Variants in APPL2 observed in about 807,000 individuals in gnomAD.
The protein encoded by APPL2 is DCC-interacting protein 13-beta.
Under a neutral mutation model 92.7 loss-of-function variants are expected in APPL2, and 84 were observed. The observed-to-expected ratio is 0.91, with a 90% CI of 0.76 to 1.09. The LOEUF (loss-of-function observed/expected upper bound fraction) is 1.09, where lower values mean the gene tolerates loss of function less well. APPL2 is among the 50% of genes least tolerant of loss of function. The probability of loss-of-function intolerance (pLI) is 0.00; values close to 1 mark genes in which losing one functional copy is unlikely to be tolerated. For missense variants in APPL2, 736 were observed against 824.5 expected (o/e 0.89, Z 1.31); for synonymous variants, 291 against 291.0 (o/e 1.00, Z 0.00).
rs968990367 is a variant in APPL2, at chr12:105,196,425, C to A, written c.1053-798G>T. Among the ~76,000 whole-genome samples the A allele has an allele frequency of 3.6e-5, 3 of 83,812 alleles. No individual in the cohort carries two copies. In the Admixed American group the frequency reaches 4.8e-4, roughly 13 times the overall value. 55.0% of individuals were successfully genotyped at this position (83,812 alleles called of 152,430 possible). ...CCCTACCTTTGTGGAGGCGTTAACT[C>A]TTTTTTTTTTTTTTTTTTTTTTTTT... On this transcript the variant is annotated intron_variant, in intron 11 of 20. Transcript: ENST00000258530.
At chr12:105,210,695 A>T (rs1323589107) in intron 5 of APPL2, among the ~76,000 whole-genome samples, 1 of 152,170 alleles carries the variant, frequency 6.6e-6, no homozygotes, top group Non-Finnish European at 1.5e-5. Context: ...TTACTCACTA[A>T]CTGGTAGTTC....
chr12:105,224,063 T>C (rs192087007), intron 2 of APPL2, among the ~76,000 whole-genome samples: 178 of 152,264 alleles, frequency 1.2e-3, no homozygotes, highest in Admixed American at 3.5e-3. Context: ...CAGAATAATC[T>C]AAAAGCAATC....
chr12:105,183,070 C>CTTTTTTT (rs56345779), intron 17 of APPL2, among the ~76,000 whole-genome samples: 1 of 88,398 alleles, frequency 1.1e-5, no homozygotes, highest in African/African-American at 4.5e-5. Flanking sequence ...GCAACCCCTG[C>CTTTTTTT]TTTTTTTTTT....
intron 17 of APPL2, among the ~76,000 whole-genome samples, chr12:105,183,423 C>T (rs1469856741): frequency 1.3e-5 from 2 of 152,100 alleles, no homozygotes; most frequent in East Asian, 3.8e-4. Flanking sequence ...TTTAGTGCTT[C>T]CTTCAGGAGC....
chr12:105,186,220 G>C (rs1886597868), intron 17 of APPL2, among the ~76,000 whole-genome samples: 1 of 151,818 alleles, frequency 6.6e-6, no homozygotes, highest in Admixed American at 6.6e-5. Context: ...TAGAATACTT[G>C]CATTATATTT....
intron 1 of APPL2, chr12:105,235,405 C>T (rs1891170229): frequency 6.6e-6 from 1 of 152,136 alleles, no homozygotes; most frequent in Admixed American, 6.5e-5. Flanking sequence ...CAAAAGGAGG[C>T]CTGGTACCGC....
At chr12:105,186,666 AT>A (rs1886705692) in intron 17 of APPL2, among the ~76,000 whole-genome samples, 1 of 7,162 alleles carries the variant, frequency 1.4e-4, no homozygotes, top group Non-Finnish European at 3.5e-4. Context: ...CATATATATC[AT>A]ATATATGATA....
intron 4 of APPL2, among the ~76,000 whole-genome samples, chr12:105,215,681 G>A (rs1237424955): frequency 4.6e-5 from 7 of 152,114 alleles, no homozygotes. Flanking sequence ...CAGTTAAATG[G>A]CATCTGCACA....
intron 4 of APPL2, among the ~76,000 whole-genome samples, chr12:105,214,625 T>C (rs1480573288): frequency 6.6e-6 from 1 of 152,230 alleles, no homozygotes; most frequent in Admixed American, 6.5e-5. Context: ...TGTAATTTCC[T>C]CATCAATAGA....
intron 2 of APPL2, among the ~76,000 whole-genome samples, chr12:105,218,420 AG>A (rs1889857829): frequency 6.6e-6 from 1 of 150,740 alleles, no homozygotes; most frequent in African/African-American, 2.4e-5. Context: ...TCAAAAAAAT[AG>A]TTACAAGTGT....
At chr12:105,234,975 A>C (rs1483107000) in intron 1 of APPL2, among the ~76,000 whole-genome samples, 1 of 152,252 alleles carries the variant, frequency 6.6e-6, no homozygotes, top group Non-Finnish European at 1.5e-5. Context: ...CTGTCGATGT[A>C]GGTAAATCCA....
intron 9 of APPL2, among the ~76,000 whole-genome samples, chr12:105,200,831 CGTATGTATGTAT>C (rs67064501): frequency 0.082 from 11,826 of 144,308 alleles, 618 homozygotes; most frequent in East Asian, 0.15. Flanking sequence ...CCACTCTCTA[CGTATGTATGTAT>C]GTATGTATGT....
intron 5 of APPL2, among the ~76,000 whole-genome samples, chr12:105,209,405 T>TA (rs201259263): frequency 2.0e-3 from 310 of 152,022 alleles, no homozygotes; most frequent in African/African-American, 7.1e-3. Flanking sequence ...TTATTCCACT[T>TA]AAAAAAAATC....
chr12:105,187,846 C>T (rs1381900883), intron 17 of APPL2, among the ~76,000 whole-genome samples: 2 of 152,042 alleles, frequency 1.3e-5, no homozygotes. Context: ...AAACCCAGAT[C>T]GTATTACCTG....
rs1886893971 is a variant in APPL2 at position 105,188,171 on chromosome 12, T to C, written c.1634+102A>G. On this transcript the variant is annotated intron_variant, in intron 17 of 20. Coordinates refer to ENST00000258530, the MANE Select transcript of APPL2 (RefSeq NM_018171.5). The stretch of plus-strand genomic sequence containing the variant: ...AAAGTAGTGGGGGCAAAAGCAAGAG[T>C]AGTCTCTTCATTCCAGTACTAACAT... 3 of 1,314,136 alleles carry C rather than the reference T, an allele frequency of 2.3e-6. No homozygotes were observed. In the Admixed American group the frequency reaches 6.3e-5, roughly 28 times the overall value. The allele number at this position is 1,314,136 out of a possible 1,614,324, so 81.4% of individuals were successfully genotyped here. A position where few individuals can be genotyped will look rare whatever the true frequency, so the allele number is the denominator to read the frequency against.
intron 1 of APPL2, 127 bp downstream of exon 1, chr12:105,235,832 G>T: frequency 1.5e-6 from 1 of 670,042 alleles, no homozygotes; most frequent in Non-Finnish European, 2.1e-6. Flanking sequence ...CCGGTGGGAG[G>T]CGCCGCGAGG....
chr12:105,227,437 G>A (rs903343575), intron 2 of APPL2, among the ~76,000 whole-genome samples: 2 of 152,178 alleles, frequency 1.3e-5, no homozygotes, highest in Non-Finnish European at 2.9e-5. Flanking sequence ...AGTGTTTCCA[G>A]AGAGAATTAC....
chr12:105,190,773 T>C (rs1402146862), intron 14 of APPL2, among the ~76,000 whole-genome samples: 1 of 152,216 alleles, frequency 6.6e-6, no homozygotes, highest in African/African-American at 2.4e-5. Flanking sequence ...GGCACAGTCT[T>C]GCGGCCCTGT....
At chr12:105,223,030 G>T (rs1890225995) in intron 2 of APPL2, among the ~76,000 whole-genome samples, 1 of 152,248 alleles carries the variant, frequency 6.6e-6, no homozygotes, top group Admixed American at 6.5e-5. Flanking sequence ...AACAAGACAA[G>T]AGGAGCAGGC....
Sources: gnomAD v4.1 joint callset for allele counts (sites outside exome capture counted in the v4.1 genomes callset) on GRCh38, gnomAD v4.1.1 for gene constraint, MANE v1.5 for transcripts, NCBI Gene and HGNC (gene_info 2026-07-23, HGNC 2026-07-21) for gene names.